Variants in RARB observed in about 807,000 individuals in gnomAD.
RARB encodes the protein HBV-activated protein.
A neutral mutation model predicts 51.9 loss-of-function variants in RARB; 17 were observed. That is an observed-to-expected ratio of 0.33 (90% CI 0.22 to 0.49). The LOEUF is 0.49. RARB is among the 20% of genes least tolerant of loss of function. The pLI, the probability that RARB is intolerant of heterozygous loss-of-function variation, is 0.99. For synonymous variants in RARB, 215 were observed against 195.4 expected (o/e 1.10, Z -0.84); for missense variants, 369 against 550.8 (o/e 0.67, Z 3.30).
intron 2 of RARB, among the ~76,000 whole-genome samples, chr3:25,494,686 C>T (rs191280073): frequency 2.0e-5 from 3 of 152,256 alleles, no homozygotes; most frequent in East Asian, 1.9e-4. Flanking sequence ...TAATTGGCAT[C>T]GAGTGAATGT....
intron 3 of RARB, among the ~76,000 whole-genome samples, chr3:25,522,107 C>G (rs781671911): frequency 1.6e-4 from 25 of 151,900 alleles, no homozygotes; most frequent in South Asian, 6.2e-4. Context: ...GGTTAATTAC[C>G]TCACTCAAGA....
chr3:24,988,988 G>A (rs191632914), intron 2 of RARB, among the ~76,000 whole-genome samples: 158 of 152,182 alleles, frequency 1.0e-3, no homozygotes, highest in Middle Eastern at 3.4e-3. Context: ...ACCAAGCCCG[G>A]CTAATTTTTG....
chr3:25,236,170 T>C (rs761078243), intron 5 of RARB, among the ~76,000 whole-genome samples: 10 of 152,266 alleles, frequency 6.6e-5, no homozygotes, highest in Admixed American at 2.0e-4. Context: ...TTTATAAATA[T>C]AGCCACAGGC....
intron 4 of RARB, among the ~76,000 whole-genome samples, chr3:25,171,082 C>G (rs1162869599): frequency 6.6e-6 from 1 of 151,866 alleles, no homozygotes; most frequent in African/African-American, 2.4e-5. Context: ...AGAAACTTGA[C>G]ATAAAGCCTA....
Position 25,596,540 on chromosome 3 carries a change from C to G in RARB, c.1271C>G (p.Thr424Arg). 6.2e-7 allele frequency: 1 copy of G among 1,613,882 alleles called. No individual in the cohort carries two copies. Among genetic ancestry groups the G allele is most frequent in the Non-Finnish European group, 8.5e-7 (1 of 1,179,788 alleles). The change falls in exon 8 of 8, where the codon ACA (threonine) becomes AGA (arginine). Residue 424 changes from threonine (T) to arginine (R), a missense_variant. Physicochemically the swap from Thr to Arg is moderately conservative, Grantham distance 71 (BLOSUM62 -1). Coordinates refer to ENST00000330688, the MANE Select transcript of RARB (RefSeq NM_000965.5). ...EPLTPSSSGN[T>R]AEHSPSISPS... ...TTGACCCCAAGTTCAAGTGGGAACA[C>G]AGCAGAGCACAGTCCTAGCATCTCA...
chr3:25,266,599 A>G (rs888691241), intron 5 of RARB, among the ~76,000 whole-genome samples: 3 of 152,108 alleles, frequency 2.0e-5, no homozygotes, highest in African/African-American at 7.2e-5. Context: ...TTAAACCATC[A>G]TGGCTATGGA....
intron 5 of RARB, among the ~76,000 whole-genome samples, chr3:25,411,934 G>A (rs1707572733): frequency 6.6e-6 from 1 of 152,224 alleles, no homozygotes; most frequent in Non-Finnish European, 1.5e-5. Flanking sequence ...GCAAGGCTAG[G>A]TAGGAAGAGG....
intron 5 of RARB, among the ~76,000 whole-genome samples, chr3:25,175,831 C>A (rs1700733131): frequency 6.6e-6 from 1 of 152,172 alleles, no homozygotes; most frequent in South Asian, 2.1e-4. Context: ...AACCTCCTCC[C>A]ATGCTTCTGA....
At chr3:25,159,887 G>C (rs1700446368) in intron 4 of RARB, among the ~76,000 whole-genome samples, 1 of 152,140 alleles carries the variant, frequency 6.6e-6, no homozygotes, top group African/African-American at 2.4e-5. Context: ...CCCACAAAGA[G>C]AATAAGGGAG....
chr3:25,419,593 G>A (rs886073621), intron 5 of RARB, among the ~76,000 whole-genome samples: 2 of 152,142 alleles, frequency 1.3e-5, no homozygotes, highest in African/African-American at 4.8e-5. Flanking sequence ...CAGAGAGTCT[G>A]ACAGTGTAGT....
intron 5 of RARB, among the ~76,000 whole-genome samples, chr3:25,210,118 T>G (rs1701653129): frequency 6.6e-6 from 1 of 152,164 alleles, no homozygotes; most frequent in African/African-American, 2.4e-5. Context: ...CTTCTCAGAT[T>G]ATCAATTTAA....
At chr3:24,906,893 A>G (rs1694879823) in intron 2 of RARB, among the ~76,000 whole-genome samples, 1 of 150,698 alleles carries the variant, frequency 6.6e-6, no homozygotes, top group Admixed American at 6.6e-5. Flanking sequence ...TAATCATATG[A>G]GTCAAATCAC....
At chr3:25,224,801 T>A (rs1434304695) in intron 5 of RARB, among the ~76,000 whole-genome samples, 2 of 152,010 alleles carry the variant, frequency 1.3e-5, no homozygotes, top group Non-Finnish European at 2.9e-5. Flanking sequence ...AGACGGGTTT[T>A]GCCATGTTGC....
intron 5 of RARB, among the ~76,000 whole-genome samples, chr3:25,269,720 CT>C (rs1703210493): frequency 6.6e-6 from 1 of 152,122 alleles, no homozygotes; most frequent in African/African-American, 2.4e-5. Context: ...GGCTTTATGA[CT>C]TTGCTGTTAT....
intron 3 of RARB, among the ~76,000 whole-genome samples, chr3:25,520,398 A>T (rs1463918295): frequency 6.6e-6 from 1 of 152,172 alleles, no homozygotes; most frequent in Non-Finnish European, 1.5e-5. Context: ...CTGGACTGAA[A>T]ATTCTTAAAC....
chr3:25,023,941 T>C (rs960840459), intron 2 of RARB, among the ~76,000 whole-genome samples: 1 of 152,158 alleles, frequency 6.6e-6, no homozygotes, highest in Non-Finnish European at 1.5e-5. Flanking sequence ...GATATCATAG[T>C]CTGAGTCTTA....
chr3:25,363,954 CT>C (rs1316470966), intron 5 of RARB, among the ~76,000 whole-genome samples: 1 of 152,154 alleles, frequency 6.6e-6, no homozygotes, highest in East Asian at 1.9e-4. Context: ...CCATATAGAT[CT>C]TTCCTTAACT....
intron 2 of RARB, among the ~76,000 whole-genome samples, chr3:24,948,939 A>C (rs1021353322): frequency 4.6e-5 from 7 of 152,084 alleles, no homozygotes; most frequent in Non-Finnish European, 1.0e-4. Context: ...GACAATTATA[A>C]TTTATTTAAA....
At position 25,239,775 on chromosome 3, in the gene RARB, G is replaced by C. The variant is rs1905466; in HGVS notation, c.178+65200G>C. On this transcript the variant is annotated intron_variant, in intron 5 of 11. Transcript: ENST00000383772. ...GTTTTTTGTGTTCAGGGTTGCTTTG[G>C]TTATTCAGGCTCTTTTTTGGTTCCA... Among the ~76,000 whole-genome samples the C allele has an allele frequency of 8.3e-3, 1,257 of 152,116 alleles. 36 individuals carry two copies. The highest frequency in any genetic ancestry group is 0.053 in the East Asian group (275 of 5,168).
Sources: allele counts gnomAD v4.1 joint callset (sites outside exome capture counted in the v4.1 genomes callset), GRCh38; gene constraint gnomAD v4.1.1; transcripts MANE v1.5; gene names NCBI Gene and HGNC (gene_info 2026-07-23, HGNC 2026-07-21).